The following CNKSR2 variants were observed in gnomAD, a reference collection of about 807,000 sequenced individuals.
The protein encoded by CNKSR2 is CNK homolog protein 2.
Under a neutral mutation model 84.4 loss-of-function variants are expected in CNKSR2, and 14 were observed. The observed-to-expected ratio is 0.17, with a 90% CI of 0.11 to 0.26. The LOEUF (loss-of-function observed/expected upper bound fraction) is 0.26. Among genes scored for constraint, CNKSR2 ranks in the 10% least tolerant of loss-of-function variants. The pLI is 1.00. For missense variants in CNKSR2, 485 were observed against 771.2 expected (o/e 0.63, Z 4.40); for synonymous variants, 275 against 277.9 (o/e 0.99, Z 0.10).
chrX:21,518,287 G>C (rs2091748937), intron 9 of CNKSR2, among the ~76,000 whole-genome samples: 1 of 110,715 alleles, frequency 9.0e-6, no homozygotes, highest in Non-Finnish European at 1.9e-5. Flanking sequence ...AAAGTGTAAG[G>C]GTGTGGGAAC....
intron 4 of CNKSR2, among the ~76,000 whole-genome samples, chrX:21,442,064 T>C (rs1318091928): frequency 4.5e-5 from 5 of 110,912 alleles, no homozygotes; most frequent in African/African-American, 1.6e-4. Flanking sequence ...ATACTAAAAT[T>C]AGAGGAGAAA....
intron 13 of CNKSR2, among the ~76,000 whole-genome samples, chrX:21,569,547 T>C (rs2092268028): frequency 1.8e-5 from 2 of 111,476 alleles, no homozygotes; most frequent in Admixed American, 9.6e-5. Context: ...TCCAGGAGGG[T>C]TGGATTCAAT....
intron 13 of CNKSR2, among the ~76,000 whole-genome samples, chrX:21,587,068 C>T (rs1028588144): frequency 2.7e-5 from 3 of 111,622 alleles, no homozygotes; most frequent in Non-Finnish European, 5.7e-5. Flanking sequence ...AATAGTGAAA[C>T]TGCAGAATAT....
intron 5 of CNKSR2, among the ~76,000 whole-genome samples, chrX:21,488,431 A>C (rs1191990695): frequency 8.9e-6 from 1 of 111,827 alleles, no homozygotes; most frequent in Non-Finnish European, 1.9e-5. Flanking sequence ...TAACTTGTTT[A>C]TAGTCACACA....
chrX:21,580,285 T>C (rs1458408549), intron 13 of CNKSR2, among the ~76,000 whole-genome samples: 1 of 111,713 alleles, frequency 9.0e-6, no homozygotes, highest in Non-Finnish European at 1.9e-5. Context: ...ATTTCTGTTA[T>C]GAAAAAAGTC....
intron 5 of CNKSR2, among the ~76,000 whole-genome samples, chrX:21,483,593 A>AATATATATATATAT (rs10592013): frequency 1.6e-4 from 16 of 98,734 alleles, no homozygotes; most frequent in African/African-American, 5.9e-4. Context: ...AGTATAATAA[A>AATATATATATATAT]ATATATATAT....
At chrX:21,393,101 A>G (rs1182866925) in intron 1 of CNKSR2, among the ~76,000 whole-genome samples, 2 of 112,251 alleles carry the variant, frequency 1.8e-5, no homozygotes, top group Non-Finnish European at 3.8e-5. Context: ...CACAATTTCA[A>G]CTTACTTGAT....
intron 9 of CNKSR2, among the ~76,000 whole-genome samples, chrX:21,522,265 A>G (rs941240479): frequency 9.0e-6 from 1 of 111,076 alleles, no homozygotes; most frequent in African/African-American, 3.2e-5. Flanking sequence ...AGAGTGAATA[A>G]AATAAATGGC....
chrX:21,531,666 T>C (rs1312462761), intron 10 of CNKSR2, among the ~76,000 whole-genome samples, 190 bp from the exon 11 acceptor site: 1 of 111,450 alleles, frequency 9.0e-6, no homozygotes, highest in Non-Finnish European at 1.9e-5. Flanking sequence ...TTGTTTAGCC[T>C]TTCTGAGACT....
intron 20 of CNKSR2, among the ~76,000 whole-genome samples, chrX:21,626,144 C>T (rs2092622062): frequency 9.3e-6 from 1 of 107,097 alleles, no homozygotes; most frequent in African/African-American, 3.4e-5. Context: ...TTATCTCTAC[C>T]TTGTGAAATC....
chrX:21,388,522 A>G (rs1339035880), intron 1 of CNKSR2, among the ~76,000 whole-genome samples: 2 of 112,328 alleles, frequency 1.8e-5, no homozygotes, highest in African/African-American at 6.5e-5. Context: ...AAAAAACACA[A>G]TGATGAGGGC....
intron 20 of CNKSR2, chrX:21,645,225 G>A (rs923728718): frequency 3.6e-5 from 4 of 111,125 alleles, no homozygotes; most frequent in African/African-American, 1.3e-4. Flanking sequence ...ACCCTCCCTC[G>A]GCACAGAATA....
At chrX:21,452,592 T>C (rs747767145) in intron 4 of CNKSR2, among the ~76,000 whole-genome samples, 3 of 110,741 alleles carry the variant, frequency 2.7e-5, no homozygotes, top group Non-Finnish European at 3.8e-5. Flanking sequence ...AGTTTTTCAT[T>C]GTGAAGTAAA....
intron 8 of CNKSR2, among the ~76,000 whole-genome samples, chrX:21,507,188 T>C (rs1343952042): frequency 9.0e-6 from 1 of 110,915 alleles, no homozygotes; most frequent in East Asian, 2.8e-4. Flanking sequence ...TTAAGTTCTT[T>C]TTAGTTTATT....
At chrX:21,635,518 GTATA>G (rs778450654) in intron 20 of CNKSR2, among the ~76,000 whole-genome samples, 3 of 104,254 alleles carry the variant, frequency 2.9e-5, no homozygotes, top group Admixed American at 2.2e-4. Flanking sequence ...ATGTATATGT[GTATA>G]TATATGTATA....
intron 15 of CNKSR2, chrX:21,594,255 G>A (rs1348780898): frequency 1.8e-5 from 2 of 111,226 alleles, no homozygotes; most frequent in Non-Finnish European, 3.8e-5. Context: ...TCACTCATAT[G>A]TGAGAACTGA....
intron 1 of CNKSR2, among the ~76,000 whole-genome samples, chrX:21,403,231 G>A (rs2090216805): frequency 1.8e-5 from 2 of 111,193 alleles, no homozygotes; most frequent in African/African-American, 6.5e-5. Flanking sequence ...GCAGGTAACA[G>A]GCATAGGGGA....
At chrX:21,644,180 A>C (rs2147341036) in intron 20 of CNKSR2, 1 of 111,639 alleles carries the variant, frequency 9.0e-6, no homozygotes, top group African/African-American at 3.2e-5. Flanking sequence ...ATGTCTCTCA[A>C]ATCTGACTAT....
rs1471003069 is a variant in CNKSR2 at position 21,550,684 on chromosome X, TAGAC to T, written c.1304-10786_1304-10783del. 9.8e-5 allele frequency among the ~76,000 whole-genome samples: 11 copies of T among 112,163 alleles called. No individual in the cohort carries two copies. In the East Asian group the frequency reaches 3.1e-3, roughly 31 times the overall value. The stretch of plus-strand genomic sequence containing the variant: ...AACCAACCCAAATGCCCATCAATGA[TAGAC>T]TGGATAAAGAAAATGTGGCACATAC... On this transcript the variant is annotated intron_variant, in intron 11 of 21. Transcript: ENST00000379510.
Sources: allele counts gnomAD v4.1 joint callset (sites outside exome capture counted in the v4.1 genomes callset), GRCh38; gene constraint gnomAD v4.1.1; transcripts MANE v1.5; gene names NCBI Gene and HGNC (gene_info 2026-07-23, HGNC 2026-07-21).